The following DOCK3 variants were observed in gnomAD, a reference collection of about 807,000 sequenced individuals.
DOCK3 encodes the protein dedicator of cytokinesis 3, also known as dedicator of cytokinesis protein 3.
In DOCK3, 60 loss-of-function variants were observed where a neutral mutation model predicts 265.6. The ratio of observed to expected loss-of-function variants is 0.23; its 90% confidence interval spans 0.18 to 0.28. The LOEUF (loss-of-function observed/expected upper bound fraction) is 0.28. Among genes scored for constraint, DOCK3 ranks in the 10% least tolerant of loss-of-function variants. The pLI is 1.00. For missense variants in DOCK3, 1,981 were observed against 2,594.3 expected (o/e 0.76, Z 5.14); for synonymous variants, 881 against 938.0 (o/e 0.94, Z 1.11).
chr3:50,948,853 A>C (rs7373700), intron 5 of DOCK3, among the ~76,000 whole-genome samples: 143,450 of 152,154 alleles, frequency 0.94, 68,261 homozygotes, highest in East Asian at 1. Flanking sequence ...AGCTGGAGGT[A>C]TTTGTGTATG....
intron 3 of DOCK3, among the ~76,000 whole-genome samples, chr3:50,871,467 G>T (rs962426987): frequency 6.6e-6 from 1 of 151,290 alleles, no homozygotes; most frequent in Non-Finnish European, 1.5e-5. Context: ...CTTGATCTTC[G>T]TGAGTTTGAT....
chr3:50,982,476 A>T (rs1006321892), intron 5 of DOCK3, among the ~76,000 whole-genome samples: 6 of 152,106 alleles, frequency 3.9e-5, no homozygotes, highest in Non-Finnish European at 7.4e-5. Context: ...TGGCTGCTGC[A>T]GGAGCAGCAT....
intron 3 of DOCK3, among the ~76,000 whole-genome samples, chr3:50,884,345 C>A (rs1340970774): frequency 6.6e-6 from 1 of 152,180 alleles, no homozygotes; most frequent in African/African-American, 2.4e-5. Flanking sequence ...CCCGCCTTGG[C>A]CTCTCAAAGT....
At chr3:51,329,761 A>T (rs777423945) in intron 32 of DOCK3, among the ~76,000 whole-genome samples, 1 of 152,212 alleles carries the variant, frequency 6.6e-6, no homozygotes, top group African/African-American at 2.4e-5. Context: ...TTCTAACCAA[A>T]TGTATTTTAC....
At chr3:51,105,163 G>C (rs1435806484) in intron 9 of DOCK3, among the ~76,000 whole-genome samples, 1 of 152,172 alleles carries the variant, frequency 6.6e-6, no homozygotes, top group Non-Finnish European at 1.5e-5. Context: ...TGAAATCAGA[G>C]ATGAGGGAAA....
intron 49 of DOCK3, among the ~76,000 whole-genome samples, chr3:51,364,914 T>C (rs1220965047): frequency 6.6e-6 from 1 of 152,200 alleles, no homozygotes; most frequent in Non-Finnish European, 1.5e-5. Context: ...AGCCAGATAG[T>C]ATGATGCCTC....
intron 5 of DOCK3, among the ~76,000 whole-genome samples, chr3:50,983,639 G>A (rs1179535950): frequency 6.6e-6 from 1 of 152,132 alleles, no homozygotes; most frequent in East Asian, 1.9e-4. Context: ...TGCCCACTGT[G>A]AGTCTCCTCT....
chr3:50,796,726 G>A (rs1215307985), intron 2 of DOCK3, among the ~76,000 whole-genome samples: 1 of 151,754 alleles, frequency 6.6e-6, no homozygotes, highest in African/African-American at 2.4e-5. Flanking sequence ...GTGGGCTGAT[G>A]TTTTTTCAGT....
At chr3:50,804,712 A>G (rs1559661603) in intron 2 of DOCK3, among the ~76,000 whole-genome samples, 1 of 151,658 alleles carries the variant, frequency 6.6e-6, no homozygotes, top group African/African-American at 2.4e-5. Context: ...TCCGCTTGGC[A>G]TCAGAGGGAG....
chr3:50,868,826 C>T (rs151267220), intron 3 of DOCK3, among the ~76,000 whole-genome samples: 9 of 151,024 alleles, frequency 6.0e-5, no homozygotes, highest in African/African-American at 2.2e-4. Flanking sequence ...CTCACAGTAG[C>T]CACTAATGAT....
At chr3:50,739,499 A>G (rs1212864703) in intron 1 of DOCK3, among the ~76,000 whole-genome samples, 3 of 152,058 alleles carry the variant, frequency 2.0e-5, no homozygotes, top group Admixed American at 1.3e-4. Flanking sequence ...ACCATCTGAC[A>G]TATTATTTGC....
chr3:50,752,777 AAAC>A, intron 1 of DOCK3, among the ~76,000 whole-genome samples: 1 of 125,152 alleles, frequency 8.0e-6, no homozygotes, highest in Non-Finnish European at 1.9e-5. Context: ...GACTGTCTCA[AAAC>A]AAACAAACAA....
At chr3:50,839,797 A>G (rs1216428769) in intron 2 of DOCK3, among the ~76,000 whole-genome samples, 1 of 124,946 alleles carries the variant, frequency 8.0e-6, no homozygotes, top group African/African-American at 2.9e-5. Flanking sequence ...GAGATGGAGT[A>G]TCACTCTGTT....
At chr3:51,305,566 A>G (rs2082609266) in intron 27 of DOCK3, among the ~76,000 whole-genome samples, 1 of 152,090 alleles carries the variant, frequency 6.6e-6, no homozygotes, top group African/African-American at 2.4e-5. Flanking sequence ...AACTGCCAAT[A>G]AAGGTAATTG....
At chr3:50,728,964 T>C (rs1226389588) in intron 1 of DOCK3, among the ~76,000 whole-genome samples, 1 of 148,020 alleles carries the variant, frequency 6.8e-6, no homozygotes, top group African/African-American at 2.5e-5. Context: ...CCTCTAGTGA[T>C]CTGCCCGCCT....
intron 3 of DOCK3, among the ~76,000 whole-genome samples, chr3:50,852,766 C>T (rs1469774232): frequency 6.6e-6 from 1 of 151,890 alleles, no homozygotes; most frequent in Admixed American, 6.6e-5. Context: ...CTGCTGTTAT[C>T]CTATTCATTT....
At chr3:51,198,753 T>G (rs1041828951) in intron 12 of DOCK3, among the ~76,000 whole-genome samples, 4 of 152,148 alleles carry the variant, frequency 2.6e-5, no homozygotes, top group African/African-American at 7.2e-5. Flanking sequence ...CTGTGTGTAG[T>G]GAGCCACTGC....
At chr3:50,845,424 C>T (rs1313415576) in intron 3 of DOCK3, among the ~76,000 whole-genome samples, 3 of 151,926 alleles carry the variant, frequency 2.0e-5, no homozygotes, top group Non-Finnish European at 2.9e-5. Flanking sequence ...GAACAGAATG[C>T]GTAGTATTCT....
rs372395657 is a variant in DOCK3, at chr3:51,374,582, G to A, written c.5407G>A (p.Gly1803Arg). ...GTATCCAGCAGCCATCCTGGAGAACGGACAGGTAATAGACCCACCACACTG... is the reference window on the plus strand; with the variant it reads ...GTATCCAGCAGCCATCCTGGAGAACAGACAGGTAATAGACCCACCACACTG... The part of the protein sequence containing the change: ...AMYPAAILEN[G>R]QPPNFQRALF... Residue 1803 changes from glycine to arginine, a missense_variant, in exon 50 of 53, where the codon GGA becomes AGA. Coordinates refer to ENST00000266037, the MANE Select transcript of DOCK3 (RefSeq NM_004947.5). The surrounding 1 kb of genome is among the most constrained non-coding windows in gnomAD (Gnocchi z 4.8). 489 of 1,610,868 alleles carry A rather than the reference G, an allele frequency of 3.0e-4. No individual in the cohort carries two copies. Among genetic ancestry groups the A allele is most frequent in the Non-Finnish European group, 3.9e-4 (454 of 1,178,618 alleles).
Sources: gnomAD v4.1 joint callset for allele counts (sites outside exome capture counted in the v4.1 genomes callset) on GRCh38, gnomAD v4.1.1 for gene constraint, Gnocchi (gnomAD v3.1) non-coding constraint, MANE v1.5 for transcripts, NCBI Gene and HGNC (gene_info 2026-07-23, HGNC 2026-07-21) for gene names.